ADGB: variants seen among roughly 807,000 people sequenced by gnomAD.
ADGB encodes calpain-7-like protein.
ADGB carries 172 observed loss-of-function variants against 210.5 expected under a neutral mutation model. That is an observed-to-expected ratio of 0.82 (90% CI 0.72 to 0.93). The LOEUF (loss-of-function observed/expected upper bound fraction) is 0.93, where lower values mean the gene tolerates loss of function less well. ADGB is among the 40% of genes least tolerant of loss of function. The probability of loss-of-function intolerance (pLI) is 0.00; values close to 1 mark genes in which losing one functional copy is unlikely to be tolerated. For synonymous variants in ADGB, 658 were observed against 662.7 expected (o/e 0.99, Z 0.11); for missense variants, 2,025 against 1,964.8 (o/e 1.03, Z -0.58).
At chr6:146,711,504 G>T (rs993564260) in intron 13 of ADGB, among the ~76,000 whole-genome samples, 2 of 151,680 alleles carry the variant, frequency 1.3e-5, no homozygotes, top group African/African-American at 4.8e-5. Context: ...TTCTTTCATG[G>T]TTTAAACCCT....
At chr6:146,703,286 G>T (rs1192389240) in intron 13 of ADGB, among the ~76,000 whole-genome samples, 2 of 151,728 alleles carry the variant, frequency 1.3e-5, no homozygotes, top group African/African-American at 4.8e-5. Context: ...CATTTATAGT[G>T]TAAAACATGA....
chr6:146,618,917 T>G (rs1780844042), intron 1 of ADGB, among the ~76,000 whole-genome samples: 1 of 152,038 alleles, frequency 6.6e-6, no homozygotes, highest in Admixed American at 6.5e-5. Context: ...ATTTTCTGTC[T>G]AGATCATCTG....
Position 146,746,022 on chromosome 6 carries a change from G to C in ADGB, c.3278G>C (p.Cys1093Ser). ...ATCGGTTCTTCTGCTCCACTGCCATGCCTCTCTCGAGACTCTCCATGCAAT... is the reference window on the plus strand; with the variant it reads ...ATCGGTTCTTCTGCTCCACTGCCATCCCTCTCTCGAGACTCTCCATGCAAT... ...RLIGSSAPLP[C>S]LSRDSPCNSF... The change falls in exon 26 of 36, where the codon TGC becomes TCC. Residue 1093 changes from cysteine to serine, a missense_variant. Transcript: ENST00000397944. 1.9e-6 allele frequency: 3 copies of C among 1,551,278 alleles called. No homozygotes were observed. Among genetic ancestry groups the C allele is most frequent in the Non-Finnish European group, 2.6e-6 (3 of 1,146,758 alleles).
intron 26 of ADGB, among the ~76,000 whole-genome samples, chr6:146,752,278 A>G (rs1283264506): frequency 6.6e-6 from 1 of 151,982 alleles, no homozygotes; most frequent in East Asian, 1.9e-4. Flanking sequence ...AGGGGGACAC[A>G]TGTTTAAACA....
chr6:146,757,650 CTTCTG>C (rs1033102739), intron 27 of ADGB, among the ~76,000 whole-genome samples: 9 of 151,622 alleles, frequency 5.9e-5, no homozygotes, highest in African/African-American at 2.2e-4. Flanking sequence ...AGTAAGGATC[CTTCTG>C]TTCTGATCCT....
chr6:146,637,988 A>C (rs1448154994), intron 2 of ADGB, among the ~76,000 whole-genome samples: 1 of 152,034 alleles, frequency 6.6e-6, no homozygotes, highest in Non-Finnish European at 1.5e-5. Flanking sequence ...AAAATCCTCA[A>C]CAAAATACTT....
At chr6:146,777,432 A>G (rs259409) in intron 29 of ADGB, among the ~76,000 whole-genome samples, 116,538 of 152,022 alleles carry the variant, frequency 0.77, 44,832 homozygotes, top group Admixed American at 0.82. Flanking sequence ...AAAAGCATAA[A>G]GCTCATGTCC....
intron 26 of ADGB, among the ~76,000 whole-genome samples, chr6:146,748,890 C>T (rs1777280524): frequency 6.6e-6 from 1 of 152,048 alleles, no homozygotes; most frequent in Non-Finnish European, 1.5e-5. Flanking sequence ...CTAAATTTCC[C>T]TTTTTTTATG....
chr6:146,702,901 G>A (rs1019397694), intron 13 of ADGB, among the ~76,000 whole-genome samples: 11 of 151,914 alleles, frequency 7.2e-5, no homozygotes, highest in African/African-American at 2.4e-4. Context: ...AAATATACAC[G>A]ATAAGATTAC....
intron 1 of ADGB, among the ~76,000 whole-genome samples, chr6:146,602,781 A>C (rs539119193): frequency 9.2e-5 from 14 of 152,304 alleles, no homozygotes; most frequent in Admixed American, 3.3e-4. Flanking sequence ...TCATCCTGTC[A>C]GATTAGCAGA....
At chr6:146,677,824 C>T (rs764897052) in intron 9 of ADGB, among the ~76,000 whole-genome samples, 175 of 152,178 alleles carry the variant, frequency 1.1e-3, no homozygotes, top group Non-Finnish European at 2.3e-3. Context: ...TCTTTAAACT[C>T]AGGATCTCTA....
At chr6:146,665,805 A>C (rs895707749) in intron 6 of ADGB, among the ~76,000 whole-genome samples, 1 of 152,084 alleles carries the variant, frequency 6.6e-6, no homozygotes, top group African/African-American at 2.4e-5. Flanking sequence ...TTTACAGTAC[A>C]TAGTGATTGC....
chr6:146,811,516 A>G (rs1778302467), intron 35 of ADGB, among the ~76,000 whole-genome samples: 1 of 145,248 alleles, frequency 6.9e-6, no homozygotes, highest in Non-Finnish European at 1.5e-5. Flanking sequence ...TAACATTATT[A>G]TATATTCTCA....
At chr6:146,721,074 CTA>C (rs1404467437) in intron 16 of ADGB, among the ~76,000 whole-genome samples, 1 of 152,170 alleles carries the variant, frequency 6.6e-6, no homozygotes, top group African/African-American at 2.4e-5. Flanking sequence ...TGCTTGAGTA[CTA>C]CTCTGCCCTG....
intron 13 of ADGB, among the ~76,000 whole-genome samples, chr6:146,701,376 C>A (rs1243434262): frequency 6.6e-6 from 1 of 151,950 alleles, no homozygotes; most frequent in Non-Finnish European, 1.5e-5. Context: ...TGTGAGATTC[C>A]TCCCTTTTGT....
chr6:146,781,472 TA>T (rs71031010), intron 29 of ADGB, among the ~76,000 whole-genome samples: 19,706 of 142,592 alleles, frequency 0.14, 1,613 homozygotes, highest in East Asian at 0.38. Flanking sequence ...AGAAATGAAT[TA>T]AAAAAAAAAA....
intron 1 of ADGB, among the ~76,000 whole-genome samples, chr6:146,634,098 G>A (rs181410398): frequency 3.3e-5 from 5 of 152,180 alleles, no homozygotes; most frequent in African/African-American, 4.8e-5. Flanking sequence ...ATGTTTAGAT[G>A]TGTTTGGATA....
intron 3 of ADGB, 49 bp from the exon 4 acceptor site, chr6:146,654,083 CTTT>C (rs974940434): frequency 2.4e-6 from 3 of 1,228,636 alleles, no homozygotes; most frequent in Non-Finnish European, 3.4e-6. Context: ...CATTAAATTA[CTTT>C]TTTATTATTT....
chr6:146,623,821 C>A (rs1001554805), intron 1 of ADGB, among the ~76,000 whole-genome samples: 6 of 151,782 alleles, frequency 4.0e-5, no homozygotes, highest in Non-Finnish European at 8.8e-5. Context: ...TGTTTCTTCT[C>A]CACATATTTA....
Sources: allele counts gnomAD v4.1 joint callset (sites outside exome capture counted in the v4.1 genomes callset), GRCh38; gene constraint gnomAD v4.1.1; transcripts MANE v1.5; gene names NCBI Gene and HGNC (gene_info 2026-07-23, HGNC 2026-07-21).